Variants in NDST4 observed in about 807,000 individuals in gnomAD.
NDST4 encodes N-heparan sulfate sulfotransferase 4.
In NDST4, 63 loss-of-function variants were observed where a neutral mutation model predicts 100.8. That is an observed-to-expected ratio of 0.62 (90% CI 0.51 to 0.77). The LOEUF is 0.77. Ranked by LOEUF, NDST4 falls within the 30% of genes least tolerant of loss-of-function variation. The probability of loss-of-function intolerance (pLI) is 0.00; values close to 1 mark genes in which losing one functional copy is unlikely to be tolerated. For synonymous variants in NDST4, 377 were observed against 361.8 expected (o/e 1.04, Z -0.48); for missense variants, 943 against 1,018.4 (o/e 0.93, Z 1.01).
chr4:115,071,684 G>T (rs1432177456), intron 2 of NDST4, among the ~76,000 whole-genome samples: 1 of 151,878 alleles, frequency 6.6e-6, no homozygotes, highest in African/African-American at 2.4e-5. Context: ...TTGGGGTAGA[G>T]TTTGAAGGAG....
At chr4:115,074,356 C>A (rs780975530) in intron 2 of NDST4, among the ~76,000 whole-genome samples, 1 of 151,898 alleles carries the variant, frequency 6.6e-6, no homozygotes, top group Admixed American at 6.6e-5. Context: ...TGATCTTTAG[C>A]CTGAAACTAG....
intron 2 of NDST4, among the ~76,000 whole-genome samples, chr4:115,069,185 G>A: frequency 6.6e-6 from 1 of 152,178 alleles, no homozygotes. Flanking sequence ...AGGCATAGAA[G>A]CTAAGAAAAA....
intron 6 of NDST4, among the ~76,000 whole-genome samples, chr4:114,932,461 C>A (rs949014925): frequency 6.6e-6 from 1 of 151,834 alleles, no homozygotes; most frequent in African/African-American, 2.4e-5. Flanking sequence ...ACCCTAACTG[C>A]TTCTATTCAA....
At chr4:115,057,328 G>A (rs1356680128) in intron 2 of NDST4, among the ~76,000 whole-genome samples, 1 of 150,408 alleles carries the variant, frequency 6.6e-6, no homozygotes, top group African/African-American at 2.5e-5. Context: ...GCAACTGGGA[G>A]GAGGAAGGAG....
intron 2 of NDST4, among the ~76,000 whole-genome samples, chr4:115,001,777 C>G (rs1313206421): frequency 6.6e-6 from 1 of 152,048 alleles, no homozygotes; most frequent in Non-Finnish European, 1.5e-5. Flanking sequence ...GCCTTGTTTT[C>G]AAAAATGACT....
chr4:114,989,349 A>G (rs1319940001), intron 2 of NDST4, among the ~76,000 whole-genome samples: 1 of 152,200 alleles, frequency 6.6e-6, no homozygotes, highest in Non-Finnish European at 1.5e-5. Flanking sequence ...TTTCTTTAAT[A>G]AAGACATTTT....
intron 6 of NDST4, among the ~76,000 whole-genome samples, chr4:114,906,546 C>A (rs890295255): frequency 2.6e-5 from 4 of 151,822 alleles, no homozygotes; most frequent in African/African-American, 9.7e-5. Context: ...GCAGGCCTAC[C>A]ACCAACTCAA....
chr4:115,057,668 G>T (rs1379244281), intron 2 of NDST4, among the ~76,000 whole-genome samples: 3 of 151,392 alleles, frequency 2.0e-5, no homozygotes, highest in Non-Finnish European at 4.4e-5. Context: ...GTTATTTGTA[G>T]ATAGAAATTT....
At chr4:115,017,804 A>C (rs6855342) in intron 2 of NDST4, among the ~76,000 whole-genome samples, 2,270 of 152,074 alleles carry the variant, frequency 0.015, 66 homozygotes, top group African/African-American at 0.051. Flanking sequence ...GAGTAGAGGT[A>C]ATCCATAATT....
chr4:114,882,744 C>T (rs1724396863), intron 6 of NDST4, among the ~76,000 whole-genome samples: 1 of 151,746 alleles, frequency 6.6e-6, no homozygotes, highest in Non-Finnish European at 1.5e-5. Flanking sequence ...TGACATAAAG[C>T]ATATCACAAA....
At chr4:115,016,174 C>T (rs1250671643) in intron 2 of NDST4, among the ~76,000 whole-genome samples, 1 of 151,986 alleles carries the variant, frequency 6.6e-6, no homozygotes, top group African/African-American at 2.4e-5. Flanking sequence ...TTGGTCTTAC[C>T]ATGTTCTGCA....
chr4:115,055,287 A>C (rs547664759), intron 2 of NDST4, among the ~76,000 whole-genome samples: 54 of 152,248 alleles, frequency 3.5e-4, no homozygotes, highest in African/African-American at 1.3e-3. Context: ...TGTAATAATA[A>C]TAGAAATGAA....
chr4:114,843,223 C>G (rs966562120), intron 10 of NDST4, among the ~76,000 whole-genome samples: 2 of 152,194 alleles, frequency 1.3e-5, no homozygotes, highest in Non-Finnish European at 2.9e-5. Context: ...CTTACAGGAA[C>G]CACCAGACAG....
At chr4:114,966,407 A>C (rs1200186823) in intron 4 of NDST4, among the ~76,000 whole-genome samples, 1 of 150,982 alleles carries the variant, frequency 6.6e-6, no homozygotes, top group East Asian at 1.9e-4. Context: ...AACATATTAC[A>C]AGAGAAAACA....
intron 1 of NDST4, among the ~76,000 whole-genome samples, chr4:115,102,638 AC>A (rs1729753434): frequency 1.3e-5 from 2 of 151,696 alleles, no homozygotes; most frequent in Admixed American, 1.3e-4. Context: ...ATCAGATGTA[AC>A]AAAAGATTAC....
intron 4 of NDST4, among the ~76,000 whole-genome samples, chr4:114,960,648 A>G (rs1291009656): frequency 3.3e-5 from 5 of 152,194 alleles, no homozygotes; most frequent in Non-Finnish European, 4.4e-5. Context: ...TTCTCATCAG[A>G]TTTAAAAAGC....
At chr4:115,085,646 C>G (rs1257055750) in intron 1 of NDST4, among the ~76,000 whole-genome samples, 2 of 152,152 alleles carry the variant, frequency 1.3e-5, no homozygotes, top group Non-Finnish European at 2.9e-5. Context: ...GCTCAGCACT[C>G]ATTCTCTCTC....
At chr4:115,097,718 T>C (rs984747471) in intron 1 of NDST4, among the ~76,000 whole-genome samples, 1 of 152,178 alleles carries the variant, frequency 6.6e-6, no homozygotes, top group African/African-American at 2.4e-5. Flanking sequence ...GTCTCTCCTC[T>C]GATCAACTCC....
chr4:115,099,696 C>A (rs1231608069), intron 1 of NDST4, among the ~76,000 whole-genome samples: 3 of 152,092 alleles, frequency 2.0e-5, no homozygotes, highest in Admixed American at 6.6e-5. Context: ...GCAACAAGTG[C>A]TCTCATTCAT....
Sources: gnomAD v4.1 joint callset for allele counts (sites outside exome capture counted in the v4.1 genomes callset) on GRCh38, gnomAD v4.1.1 for gene constraint, MANE v1.5 for transcripts, NCBI Gene and HGNC (gene_info 2026-07-23, HGNC 2026-07-21) for gene names.